U2AF1L4: variants seen among roughly 807,000 people sequenced by gnomAD.
The protein encoded by U2AF1L4 is U2 small nuclear RNA auxiliary factor 1 like 4.
A neutral mutation model predicts 21.7 loss-of-function variants in U2AF1L4; 21 were observed. That is an observed-to-expected ratio of 0.97 (90% CI 0.69 to 1.39). U2AF1L4 has a LOEUF of 1.39. Ranked by LOEUF, U2AF1L4 falls within the 40% of genes most tolerant of loss-of-function variation. The pLI is 0.00. For synonymous variants in U2AF1L4, 92 were observed against 89.7 expected, an observed-to-expected ratio of 1.03 and a Z score of -0.15; for missense variants, 259 against 245.7, an observed-to-expected ratio of 1.05 and a Z score of -0.36.
At chr19:35,743,648 A>T (rs1263405084) in intron 5 of U2AF1L4, 161 bp downstream of exon 5, 2 of 705,248 alleles carry the variant, frequency 2.8e-6, no homozygotes, top group South Asian at 3.4e-5. Context: ...GATGGTGCCA[A>T]TGCACTCCAG....
rs938790951 is a variant in U2AF1L4, at chr19:35,744,755, T to G, written c.133-334A>C. 5.9e-6 allele frequency: 9 copies of G among 1,529,092 alleles called. No homozygotes were observed. The African/African-American group carries it at 9.6e-5, about 16-fold the overall frequency. The allele number at this position is 1,529,092 out of a possible 1,614,324, so 94.7% of individuals were successfully genotyped here. On this transcript the variant is annotated intron_variant, in intron 2 of 5. Transcript: ENST00000378975. The stretch of plus-strand genomic sequence containing the variant: ...AGGGCAGGGCTGCATGAACAGAGAG[T>G]GAGGCATGAAGGTTGGGGGTGGAAC...
chr19:35,744,793 C>A, intron 2 of U2AF1L4: 2 of 1,376,100 alleles, frequency 1.5e-6, no homozygotes, highest in Non-Finnish European at 2.0e-6. Context: ...TACACCCCAG[C>A]CTAAGCATCA....
downstream of U2AF1L4, chr19:35,742,476 T>C (rs767201732): frequency 6.4e-7 from 1 of 1,556,084 alleles, no homozygotes; most frequent in Non-Finnish European, 8.7e-7. Flanking sequence ...TGTTTCCCCT[T>C]TTCGTCACAT....
intron 2 of U2AF1L4, chr19:35,744,766 G>A (rs755843592): frequency 2.6e-6 from 4 of 1,511,854 alleles, no homozygotes; most frequent in Non-Finnish European, 2.7e-6. Flanking sequence ...GAGGCATGAA[G>A]GTTGGGGGTG....
rs758774431 is a variant in U2AF1L4 at position 35,745,378 on chromosome 19, A to G, written c.14T>C (p.Leu5Ser). ...CTTCTCAGTCCCGAATATCGAAGCT[A>G]AATATTCAGCCATTTTTACCCAAGC... is the stretch of plus-strand genomic sequence containing the variant. Reference protein sequence around the residue: MAEYLASIFGTEKDK... With the variant: MAEYSASIFGTEKDK... The change falls in exon 1 of 6, where the codon TTA becomes TCA. Residue 5 changes from leucine (L) to serine (S), a missense_variant. Transcript: ENST00000378975. 1 of 1,613,262 alleles carries G rather than the reference A, an allele frequency of 6.2e-7. No homozygotes were observed. Among genetic ancestry groups the G allele is most frequent in the African/African-American group, 1.3e-5 (1 of 74,686 alleles).
Position 35,744,027 on chromosome 19 carries a change from C to G in U2AF1L4, c.350G>C (p.Arg117Pro), listed in dbSNP as rs746648207. The G allele has an allele frequency of 6.2e-7, 1 of 1,613,888 alleles. No homozygotes were observed. Among genetic ancestry groups the G allele is most frequent in the South Asian group, 1.1e-5 (1 of 91,066 alleles). ...PVTDFRESCC[R>P]QYEMGECTRG... ...ACTACCATACCCCATCTCATACTGGCGACAGCATGACTCCCGGAAGTCAGT... is the reference window on the plus strand; with the variant it reads ...ACTACCATACCCCATCTCATACTGGGGACAGCATGACTCCCGGAAGTCAGT... Residue 117 changes from arginine to proline, a missense_variant, in exon 4 of 6, where the codon CGC becomes CCC. Arg to Pro is a moderately radical substitution (Grantham distance 103, BLOSUM62 -2). Transcript: ENST00000378975.
Position 35,743,852 on chromosome 19 carries a change from G to A in U2AF1L4, c.418C>T (p.Gln140Ter). ...CCATAGAGCTGCCTCTGGAGGTTCTGGGAAATGGGCCGCAGATGCATGAAG... is the reference window on the plus strand; with the variant it reads ...CCATAGAGCTGCCTCTGGAGGTTCTAGGAAATGGGCCGCAGATGCATGAAG... Reference protein sequence around the residue: ...CNFMHLRPISQNLQRQLYGRG... With the variant: ...CNFMHLRPIS Residue 140 changes from glutamine (Q) to a stop codon, truncating the protein, a stop_gained, in exon 5 of 6, where the codon CAG (glutamine) becomes TAG (stop). Transcript: ENST00000378975. LOFTEE classifies it low-confidence loss of function (END_TRUNC). 1 of 1,613,494 alleles carries A rather than the reference G, an allele frequency of 6.2e-7. No individual in the cohort carries two copies. Among genetic ancestry groups the A allele is most frequent in the Non-Finnish European group, 8.5e-7 (1 of 1,179,762 alleles).
chr19:35,744,459 A>G (rs1970466322), intron 2 of U2AF1L4, 38 bp from the exon 3 acceptor site: 1 of 1,613,960 alleles, frequency 6.2e-7, no homozygotes, highest in Non-Finnish European at 8.5e-7. Context: ...GAGCTCCCAC[A>G]AGAAACCCCA....
Position 35,744,687 on chromosome 19 carries a change from T to C in U2AF1L4, c.133-266A>G, listed in dbSNP as rs774989602. 23 of 1,535,982 alleles carry C rather than the reference T, an allele frequency of 1.5e-5. No individual in the cohort carries two copies. The South Asian group carries it at 2.7e-4, about 18-fold the overall frequency. ...GATTCCGGTACAGGTTGAGCAGCAC[T>C]ATGGTCTGCACAGAATTTAAAAGGG... On this transcript the variant is annotated intron_variant, in intron 2 of 5. Transcript: ENST00000378975.
Position 35,745,033 on chromosome 19 carries a change from G to A in U2AF1L4, c.132+92C>T. Reference sequence around the variant, plus strand: ...AGCCGGGCGGTGGGGAGGGACTCAGGAACCCGGAATAGGCGGGACATGGTG... The same window carrying A: ...AGCCGGGCGGTGGGGAGGGACTCAGAAACCCGGAATAGGCGGGACATGGTG... On this transcript the variant is annotated intron_variant, in intron 2 of 5. Transcript: ENST00000378975. 4 of 1,312,722 alleles carry A rather than the reference G, an allele frequency of 3.0e-6. No individual in the cohort carries two copies. In the South Asian group the frequency reaches 5.0e-5, roughly 16 times the overall value. 81.3% of individuals were successfully genotyped at this position (1,312,722 alleles called of 1,614,324 possible).
At chr19:35,743,013 G>T in intron 5 of U2AF1L4, 1 of 614,078 alleles carries the variant, frequency 1.6e-6, no homozygotes, top group Non-Finnish European at 2.8e-6. Flanking sequence ...GGTTCAGGCT[G>T]GTTTGGGGAT....
In U2AF1L4 at chr19:35,742,569, G is replaced by A. The variant is rs3746278; in HGVS notation, c.*150C>T. The stretch of plus-strand genomic sequence containing the variant: ...CACGCAGCTTTATTAAGACAGGGGC[G>A]GTAGAAGAAGGTCTCCATGCTGAAC... On this transcript the variant is annotated 3_prime_UTR_variant, in exon 6 of 6. Transcript: ENST00000378975. The A allele has an allele frequency of 0.15, 240,685 of 1,613,396 alleles. 19,038 individuals are homozygous for A. Among genetic ancestry groups the A allele is most frequent in the South Asian group, 0.26 (23,880 of 91,070 alleles).
Position 35,744,039 on chromosome 19 carries a change from T to C in U2AF1L4, c.338A>G (p.Glu113Gly). ...CATCTCATACTGGCGACAGCATGAC[T>C]CCCGGAAGTCAGTGACAGGAGACAG... is the stretch of plus-strand genomic sequence containing the variant. ...GELSPVTDFR[E>G]SCCRQYEMGE... The change falls in exon 4 of 6, where the codon GAG becomes GGG. Residue 113 changes from glutamate to glycine, a missense_variant. Glu to Gly is a moderately conservative substitution (Grantham distance 98). Coordinates refer to ENST00000378975, the MANE Select transcript of U2AF1L4 (RefSeq NM_001040425.3). The C allele has an allele frequency of 6.2e-7, 1 of 1,613,948 alleles. No homozygotes were observed.
At chr19:35,743,188 C>T (rs754702779) in intron 5 of U2AF1L4, 4 of 294,798 alleles carry the variant, frequency 1.4e-5, no homozygotes, top group Non-Finnish European at 1.9e-5. Context: ...GGCTGGCCAA[C>T]GTGGTGAAAC....
At chr19:35,744,758 G>A (rs1034831423) in intron 2 of U2AF1L4, 1 of 1,526,624 alleles carries the variant, frequency 6.6e-7, no homozygotes, top group South Asian at 1.2e-5. Context: ...CAGAGAGTGA[G>A]GCATGAAGGT....
At position 35,742,817 on chromosome 19, in the gene U2AF1L4, CG is replaced by C; in HGVS notation, c.462-15del. ...CTCGGGGGTGACCTGGGAATAGGAG[CG>C]TTGAGAGTTCTGTTAGAACCCTGAG... On this transcript the variant is annotated splice_polypyrimidine_tract_variant and intron_variant, in intron 5 of 5. Coordinates refer to ENST00000378975, the MANE Select transcript of U2AF1L4 (RefSeq NM_001040425.3). 1 of 1,606,696 alleles carries C rather than the reference CG, an allele frequency of 6.2e-7. No individual in the cohort carries two copies. Among genetic ancestry groups the C allele is most frequent in the Non-Finnish European group, 8.5e-7 (1 of 1,178,456 alleles).
chr19:35,742,489 G>GT, downstream of U2AF1L4: 1 of 1,571,546 alleles, frequency 6.4e-7, no homozygotes, highest in South Asian at 1.2e-5. Flanking sequence ...CGTCACATGT[G>GT]TGGGTGGAGG....
Position 35,745,164 on chromosome 19 carries a change from G to A in U2AF1L4, c.93C>T (p.Asp31=). The A allele has an allele frequency of 1.2e-6, 2 of 1,613,656 alleles. No individual in the cohort carries two copies. The highest frequency in any genetic ancestry group is 8.5e-7 in the Non-Finnish European group (1 of 1,180,002). ...YFKIGVCRHG[D]RCSRLHNKPT... ...GCTTGTTGTGAAGCCGGGAGCACCGGTCCCCGTGCCGGCAGACCCCGATCT... is the reference window on the plus strand; with the variant it reads ...GCTTGTTGTGAAGCCGGGAGCACCGATCCCCGTGCCGGCAGACCCCGATCT... The change falls in exon 2 of 6, where the codon GAC becomes GAT. Residue 31 remains aspartate, a synonymous_variant. Transcript: ENST00000378975.
intron 5 of U2AF1L4, 79 bp downstream of exon 5, chr19:35,743,730 T>C: frequency 1.8e-6 from 2 of 1,099,616 alleles, no homozygotes; most frequent in South Asian, 2.7e-5. Context: ...ACGTGGTTAC[T>C]GGGGCTTAGG....
Sources: allele counts gnomAD v4.1 joint callset, GRCh38; gene constraint gnomAD v4.1.1; transcripts MANE v1.5; gene names NCBI Gene and HGNC (gene_info 2026-07-23, HGNC 2026-07-21).